Variants in SLIT1 observed in about 807,000 individuals in gnomAD.
The protein encoded by SLIT1 is slit guidance ligand 1.
Under a neutral mutation model 186.1 loss-of-function variants are expected in SLIT1, and 66 were observed. The ratio of observed to expected loss-of-function variants is 0.35; its 90% CI spans 0.29 to 0.44. SLIT1 has a LOEUF of 0.44. Among genes scored for constraint, SLIT1 ranks in the 20% least tolerant of loss-of-function variants. SLIT1 has a pLI of 1.00. For synonymous variants in SLIT1, 761 were observed against 833.8 expected, an observed-to-expected ratio of 0.91 and a Z score of 1.50; for missense variants, 1,638 against 2,037.4, an observed-to-expected ratio of 0.80 and a Z score of 3.77.
At chr10:97,111,234 A>G (rs1849461540) in intron 4 of SLIT1, among the ~76,000 whole-genome samples, 1 of 152,106 alleles carries the variant, frequency 6.6e-6, no homozygotes, top group African/African-American at 2.4e-5. Context: ...TGACCCTAAT[A>G]TAGGTAAGGA....
In SLIT1 at chr10:97,006,052, T is replaced by C. The variant is rs999835989; in HGVS notation, c.3579+431A>G. 2.0e-5 allele frequency among the ~76,000 whole-genome samples: 3 copies of C among 152,292 alleles called. No homozygotes were observed. Among genetic ancestry groups the C allele is most frequent in the South Asian group, 2.1e-4 (1 of 4,828 alleles). Reference sequence around the variant, plus strand: ...CCCTCAACATGAAGATGTTCTGAGATGGAACTGAAGGCATGAAAAGGATGA... The same window carrying C: ...CCCTCAACATGAAGATGTTCTGAGACGGAACTGAAGGCATGAAAAGGATGA... On this transcript the variant is annotated intron_variant, in intron 32 of 36. Transcript: ENST00000266058. The surrounding 1 kb of genome is among the most constrained non-coding windows in gnomAD (Gnocchi z 4.0).
At chr10:97,038,239 G>C (rs1443487571) in intron 21 of SLIT1, among the ~76,000 whole-genome samples, 1 of 152,070 alleles carries the variant, frequency 6.6e-6, no homozygotes, top group African/African-American at 2.4e-5. Context: ...GCACCCCTCT[G>C]CCTTCCTGCC....
chr10:97,046,188 G>A (rs926914287), intron 18 of SLIT1, among the ~76,000 whole-genome samples: 1 of 152,216 alleles, frequency 6.6e-6, no homozygotes, highest in African/African-American at 2.4e-5. Context: ...GGATCCCACT[G>A]AGCTCCAGAT....
intron 4 of SLIT1, among the ~76,000 whole-genome samples, chr10:97,141,671 TGTATC>T (rs373348638): frequency 0.17 from 22,143 of 131,548 alleles, 2,012 homozygotes; most frequent in African/African-American, 0.27. Flanking sequence ...TGCATTGCAT[TGTATC>T]GTATTGTATC....
At chr10:97,120,821 G>A (rs186448804) in intron 4 of SLIT1, among the ~76,000 whole-genome samples, 8 of 152,264 alleles carry the variant, frequency 5.3e-5, no homozygotes, top group Admixed American at 3.9e-4. Flanking sequence ...TCACCCACTG[G>A]ACTCTGACTC....
rs1025919933 is a variant in SLIT1, at chr10:97,116,728, G to C, written c.413+41090C>G. On this transcript the variant is annotated intron_variant, in intron 4 of 36. Coordinates refer to ENST00000266058, the MANE Select transcript of SLIT1 (RefSeq NM_003061.3). ...CTGCCTCCTCTCTGGTGCAGGCTGG[G>C]GGTGGGAGAGCCTGTCACCAGGCCT... 3.9e-5 allele frequency among the ~76,000 whole-genome samples: 6 copies of C among 152,202 alleles called. No homozygotes were observed. The South Asian group carries it at 1.2e-3, about 31-fold the overall frequency.
intron 1 of SLIT1, among the ~76,000 whole-genome samples, chr10:97,165,103 G>A (rs545104745): frequency 2.0e-5 from 3 of 152,294 alleles, no homozygotes; most frequent in South Asian, 2.1e-4. Context: ...GGCACAGGGC[G>A]CATCACTGGG....
intron 4 of SLIT1, among the ~76,000 whole-genome samples, chr10:97,089,614 C>T (rs1161963560): frequency 6.6e-6 from 1 of 152,170 alleles, no homozygotes; most frequent in African/African-American, 2.4e-5. Context: ...GCCGCTGCAG[C>T]CCTATCTGAA....
chr10:97,129,889 C>A (rs1407081617), intron 4 of SLIT1, among the ~76,000 whole-genome samples: 31 of 152,136 alleles, frequency 2.0e-4, no homozygotes, highest in Admixed American at 2.0e-3. Flanking sequence ...CCCTTCCTGC[C>A]CCCAGCCAGA....
intron 4 of SLIT1, among the ~76,000 whole-genome samples, chr10:97,120,847 C>A (rs546271798): frequency 2.0e-5 from 3 of 152,182 alleles, no homozygotes; most frequent in Non-Finnish European, 4.4e-5. Flanking sequence ...CCCTACCCTA[C>A]GGGAGAAGCT....
chr10:97,152,708 T>G (rs1223716794), intron 4 of SLIT1, among the ~76,000 whole-genome samples: 1 of 152,200 alleles, frequency 6.6e-6, no homozygotes, highest in Admixed American at 6.5e-5. Context: ...ACATGCTTCT[T>G]AAAGAACATC....
chr10:97,148,087 G>A (rs1309221357), intron 4 of SLIT1, among the ~76,000 whole-genome samples: 1 of 152,152 alleles, frequency 6.6e-6, no homozygotes, highest in Non-Finnish European at 1.5e-5. Context: ...CTCCAAGCCT[G>A]GATCTGCCAA....
chr10:97,106,568 C>T (rs1482612047), intron 4 of SLIT1, among the ~76,000 whole-genome samples: 1 of 152,046 alleles, frequency 6.6e-6, no homozygotes, highest in Non-Finnish European at 1.5e-5. Flanking sequence ...TCATTTAGTC[C>T]CTGCAATAAC....
At chr10:97,106,836 C>A (rs972037903) in intron 4 of SLIT1, among the ~76,000 whole-genome samples, 2 of 152,124 alleles carry the variant, frequency 1.3e-5, no homozygotes, top group Non-Finnish European at 2.9e-5. Context: ...AGTAAGCCTG[C>A]CCTGGAAATG....
intron 22 of SLIT1, among the ~76,000 whole-genome samples, chr10:97,035,295 C>T (rs982842422): frequency 3.3e-5 from 5 of 152,148 alleles, no homozygotes; most frequent in African/African-American, 9.7e-5. Context: ...TGGGTGCCCT[C>T]GGGGACGCCC....
Position 97,130,879 on chromosome 10 carries a change from G to A in SLIT1, c.413+26939C>T, listed in dbSNP as rs920642840. Among the ~76,000 whole-genome samples, 109 of 152,158 alleles carry A rather than the reference G, an allele frequency of 7.2e-4. 6 individuals are homozygous for A. The highest frequency in any genetic ancestry group is 7.4e-5 in the Non-Finnish European group (5 of 68,024). On this transcript the variant is annotated intron_variant, in intron 4 of 36. Transcript: ENST00000266058. ...TTCGGTCCATGGTCTGAATGTCTGC[G>A]AACATGTCTGTCCTCCTTTCTTCTT...
chr10:97,082,994 C>T (rs1285081807), intron 4 of SLIT1, among the ~76,000 whole-genome samples: 1 of 152,206 alleles, frequency 6.6e-6, no homozygotes, highest in Non-Finnish European at 1.5e-5. Context: ...CTCACTGCAG[C>T]CTGGGCTCAG....
intron 4 of SLIT1, among the ~76,000 whole-genome samples, chr10:97,146,431 C>T (rs996437251): frequency 6.6e-6 from 1 of 152,142 alleles, no homozygotes; most frequent in African/African-American, 2.4e-5. Flanking sequence ...CGTCTCTACC[C>T]ACTGAAAGGA....
Position 97,060,161 on chromosome 10 carries a change from G to C in SLIT1, c.942-3C>G. 1 of 1,613,810 alleles carries C rather than the reference G, an allele frequency of 6.2e-7. No individual in the cohort carries two copies. Among genetic ancestry groups the C allele is most frequent in the Non-Finnish European group, 8.5e-7 (1 of 1,179,706 alleles). On this transcript the variant is annotated splice_polypyrimidine_tract_variant and splice_region_variant and intron_variant, in intron 9 of 36. Coordinates refer to ENST00000266058, the MANE Select transcript of SLIT1 (RefSeq NM_003061.3). ...TGATGCCGTTCAGCTCCAGGCGTCTGCGGGGAGAAAAGAGAGGGGAAGCCC... is the reference window on the plus strand; with the variant it reads ...TGATGCCGTTCAGCTCCAGGCGTCTCCGGGGAGAAAAGAGAGGGGAAGCCC...
Sources: allele counts gnomAD v4.1 joint callset (sites outside exome capture counted in the v4.1 genomes callset), GRCh38; gene constraint gnomAD v4.1.1; non-coding constraint Gnocchi (gnomAD v3.1); transcripts MANE v1.5; gene names NCBI Gene and HGNC (gene_info 2026-07-23, HGNC 2026-07-21).